Variants in PUS7 observed in about 807,000 individuals in gnomAD.
The protein encoded by PUS7 is pseudouridylate synthase 7 homolog.
A neutral mutation model predicts 79.8 loss-of-function variants in PUS7; 48 were observed. The observed-to-expected ratio is 0.60, with a 90% CI of 0.48 to 0.76. PUS7 has a LOEUF of 0.76. PUS7 is among the 30% of genes least tolerant of loss of function. The pLI is 0.00. For synonymous variants in PUS7, 286 were observed against 272.2 expected (o/e 1.05, Z -0.50); for missense variants, 729 against 797.6 (o/e 0.91, Z 1.04).
chr7:105,478,259 GTTTCC>G (rs1482514652), intron 9 of PUS7, among the ~76,000 whole-genome samples: 1 of 152,186 alleles, frequency 6.6e-6, no homozygotes, highest in East Asian at 1.9e-4. Context: ...CATTTGGGTT[GTTTCC>G]AGTCTTTTGG....
intron 5 of PUS7, among the ~76,000 whole-genome samples, chr7:105,495,882 C>G (rs1278298221): frequency 1.3e-5 from 2 of 151,898 alleles, no homozygotes. Flanking sequence ...AGATTTAGGC[C>G]GAGTGTAATC....
chr7:105,468,265 G>A (rs1823737709), intron 12 of PUS7, 72 bp downstream of exon 12: 1 of 1,552,832 alleles, frequency 6.4e-7, no homozygotes, highest in Non-Finnish European at 8.7e-7. Context: ...AGCCAGGATG[G>A]ATTTTAAAGC....
intron 5 of PUS7, among the ~76,000 whole-genome samples, chr7:105,500,977 T>C (rs1277738023): frequency 1.3e-5 from 2 of 152,206 alleles, no homozygotes; most frequent in African/African-American, 4.8e-5. Flanking sequence ...GGCTTTTCTT[T>C]ACAGTGTTCA....
At chr7:105,501,653 C>T (rs1825253156) in intron 5 of PUS7, among the ~76,000 whole-genome samples, 1 of 151,914 alleles carries the variant, frequency 6.6e-6, no homozygotes, top group East Asian at 1.9e-4. Flanking sequence ...AAAAATATGC[C>T]TCTTTCAATA....
chr7:105,520,250 G>C (rs549552951), intron 1 of PUS7, among the ~76,000 whole-genome samples: 69 of 152,088 alleles, frequency 4.5e-4, no homozygotes, highest in African/African-American at 1.6e-3. Flanking sequence ...ATGAGGTCAG[G>C]AAATCGAGAC....
At chr7:105,480,137 T>A (rs1407007599) in intron 9 of PUS7, among the ~76,000 whole-genome samples, 3 of 152,198 alleles carry the variant, frequency 2.0e-5, no homozygotes, top group African/African-American at 4.8e-5. Flanking sequence ...AGATTACTGT[T>A]GAATCACTTA....
intron 9 of PUS7, among the ~76,000 whole-genome samples, chr7:105,479,560 C>A (rs1641554587): frequency 6.6e-6 from 1 of 152,172 alleles, no homozygotes; most frequent in South Asian, 2.1e-4. Context: ...AACAGGATTC[C>A]AGAAGTAGAT....
chr7:105,465,103 G>A (rs894577457), intron 13 of PUS7, among the ~76,000 whole-genome samples: 16 of 152,148 alleles, frequency 1.1e-4, no homozygotes, highest in Admixed American at 2.6e-4. Context: ...GATTATAGGC[G>A]TGAGCCACCG....
intron 1 of PUS7, among the ~76,000 whole-genome samples, chr7:105,518,757 T>C (rs574070570): frequency 6.6e-6 from 1 of 151,706 alleles, no homozygotes; most frequent in African/African-American, 2.4e-5. Flanking sequence ...TTTTTTTGAA[T>C]TATTTTTTAT....
At chr7:105,493,032 G>A (rs116919537) in intron 6 of PUS7, among the ~76,000 whole-genome samples, 1 of 152,170 alleles carries the variant, frequency 6.6e-6, no homozygotes, top group Non-Finnish European at 1.5e-5. Context: ...CAACAAAAAA[G>A]GCAACAATGC....
chr7:105,513,673 T>TA (rs1305987757), intron 1 of PUS7, among the ~76,000 whole-genome samples: 1 of 146,928 alleles, frequency 6.8e-6, no homozygotes, highest in African/African-American at 2.5e-5. Context: ...CCGTCTCTAC[T>TA]AAAAAATACA....
intron 9 of PUS7, 132 bp from the exon 10 acceptor site, chr7:105,472,325 G>A (rs2133084354): frequency 5.3e-6 from 3 of 562,976 alleles, no homozygotes; most frequent in East Asian, 6.3e-5. Context: ...CTACTCCCAG[G>A]CTCTAGTCTA....
chr7:105,482,470 C>T, intron 7 of PUS7, 30 bp from the exon 8 acceptor site: 1 of 1,533,688 alleles, frequency 6.5e-7, no homozygotes, highest in Non-Finnish European at 8.8e-7. Flanking sequence ...AGCAACAAAA[C>T]AAAAAAGAGT....
intron 1 of PUS7, among the ~76,000 whole-genome samples, chr7:105,512,254 A>G (rs1205309161): frequency 6.6e-5 from 10 of 152,140 alleles, no homozygotes; most frequent in African/African-American, 2.4e-4. Context: ...CTGTAGTTAC[A>G]TAAAAGTATC....
At chr7:105,520,816 T>C (rs1315695953) in intron 1 of PUS7, among the ~76,000 whole-genome samples, 6 of 151,892 alleles carry the variant, frequency 4.0e-5, no homozygotes, top group African/African-American at 4.8e-5. Flanking sequence ...AGCAGGAGGA[T>C]TGCTTAAGGT....
At chr7:105,482,487 A>G in intron 7 of PUS7, 47 bp from the exon 8 acceptor site, 1 of 1,532,096 alleles carries the variant, frequency 6.5e-7, no homozygotes, top group East Asian at 2.3e-5. Flanking sequence ...GAGTAGAAAG[A>G]GGATCATGAG....
intron 2 of PUS7, among the ~76,000 whole-genome samples, chr7:105,506,972 A>G (rs182412540): frequency 6.6e-6 from 1 of 152,300 alleles, no homozygotes; most frequent in African/African-American, 2.4e-5. Flanking sequence ...TTTATGTTAA[A>G]TATTTTACAT....
intron 5 of PUS7, among the ~76,000 whole-genome samples, chr7:105,495,944 G>C (rs527921705): frequency 6.6e-6 from 1 of 151,926 alleles, no homozygotes; most frequent in African/African-American, 2.4e-5. Context: ...CGGATCACCT[G>C]AGGTCAGGAG....
intron 12 of PUS7, among the ~76,000 whole-genome samples, chr7:105,467,308 TTG>T (rs1823692538): frequency 1.3e-5 from 2 of 151,094 alleles, no homozygotes; most frequent in Admixed American, 6.6e-5. Flanking sequence ...TTTTTTTTTT[TTG>T]AGACAGTCTC....
Sources: allele counts gnomAD v4.1 joint callset (sites outside exome capture counted in the v4.1 genomes callset), GRCh38; gene constraint gnomAD v4.1.1; transcripts MANE v1.5; gene names NCBI Gene and HGNC (gene_info 2026-07-23, HGNC 2026-07-21).